Variants in DNAH3 observed in about 807,000 individuals in gnomAD.
DNAH3 encodes the protein axonemal beta dynein heavy chain 3.
DNAH3 carries 332 observed loss-of-function variants against 432.5 expected under a neutral mutation model. The ratio of observed to expected loss-of-function variants is 0.77; its 90% CI spans 0.70 to 0.84. DNAH3 has a LOEUF of 0.84. DNAH3 is among the 40% of genes least tolerant of loss of function. The pLI, the probability that DNAH3 is intolerant of heterozygous loss-of-function variation, is 0.00. For missense variants in DNAH3, 4,861 were observed against 5,114.0 expected (o/e 0.95, Z 1.51); for synonymous variants, 1,956 against 1,900.2 (o/e 1.03, Z -0.76).
At chr16:20,935,236 T>C in intron 61 of DNAH3, 112 bp downstream of exon 61, 1 of 1,282,592 alleles carries the variant, frequency 7.8e-7, no homozygotes, top group Non-Finnish European at 1.1e-6. Context: ...TATGTACCAT[T>C]TCAGAAGCAT....
intron 5 of DNAH3, among the ~76,000 whole-genome samples, chr16:21,139,644 T>C (rs1052122355): frequency 5.3e-5 from 8 of 151,882 alleles, no homozygotes; most frequent in African/African-American, 1.9e-4. Context: ...ACCCAGCTAA[T>C]TTTTGTAGAG....
intron 38 of DNAH3, among the ~76,000 whole-genome samples, chr16:21,025,472 GAT>G (rs1212129197): frequency 6.9e-6 from 1 of 145,056 alleles, no homozygotes; most frequent in African/African-American, 2.6e-5. Context: ...TGTAATTATA[GAT>G]ATAATTATGT....
intron 44 of DNAH3, 85 bp from the exon 45 acceptor site, chr16:20,988,150 C>T (rs529905638): frequency 5.3e-5 from 83 of 1,555,974 alleles, no homozygotes; most frequent in Non-Finnish European, 7.1e-5. Context: ...CACGAGGTGG[C>T]TTTGCCTTCT....
At chr16:20,970,105 AC>A in intron 51 of DNAH3, 115 bp from the exon 52 acceptor site, 1 of 963,322 alleles carries the variant, frequency 1.0e-6, no homozygotes, top group East Asian at 2.6e-5. Flanking sequence ...TCTTCCAGAT[AC>A]CCTTTAACAT....
At chr16:20,992,427 G>C (rs1357083446) in intron 44 of DNAH3, among the ~76,000 whole-genome samples, 1 of 151,778 alleles carries the variant, frequency 6.6e-6, no homozygotes, top group African/African-American at 2.4e-5. Context: ...CTCACTGCAA[G>C]CTCCGCCTCC....
intron 18 of DNAH3, among the ~76,000 whole-genome samples, chr16:21,093,381 C>A (rs2091592358): frequency 6.6e-6 from 1 of 152,082 alleles, no homozygotes; most frequent in African/African-American, 2.4e-5. Flanking sequence ...TGCATAGGAG[C>A]TGTATGCTGA....
At chr16:21,041,595 C>T (rs934864850) in intron 32 of DNAH3, among the ~76,000 whole-genome samples, 1 of 152,166 alleles carries the variant, frequency 6.6e-6, no homozygotes, top group East Asian at 1.9e-4. Context: ...AGCTGGGTCT[C>T]TCTTATCACT....
chr16:21,106,806 A>AT (rs1187171096), intron 14 of DNAH3, 132 bp from the exon 15 acceptor site: 5 of 723,474 alleles, frequency 6.9e-6, no homozygotes, highest in Non-Finnish European at 1.0e-5. Context: ...TTTTTTTTTA[A>AT]TTTTTTCCCT....
At chr16:21,033,914 G>A in intron 36 of DNAH3, 60 bp downstream of exon 36, 1 of 1,233,896 alleles carries the variant, frequency 8.1e-7, no homozygotes, top group Non-Finnish European at 1.2e-6. Flanking sequence ...TATCTCCATG[G>A]AGCCAGCCAA....
At chr16:21,148,387 ATTGGCCGGC>A (rs1273318062) in intron 1 of DNAH3, among the ~76,000 whole-genome samples, 1 of 152,028 alleles carries the variant, frequency 6.6e-6, no homozygotes, top group Non-Finnish European at 1.5e-5. Context: ...TAGCCATGTA[ATTGGCCGGC>A]TTGACTTCTA....
intron 31 of DNAH3, among the ~76,000 whole-genome samples, chr16:21,048,272 A>G (rs1220841168): frequency 6.6e-6 from 1 of 152,076 alleles, no homozygotes; most frequent in Non-Finnish European, 1.5e-5. Flanking sequence ...CCCCTCCCCC[A>G]GCCAGGCTGC....
chr16:21,116,795 T>C (rs144325950), intron 12 of DNAH3, among the ~76,000 whole-genome samples: 57 of 152,354 alleles, frequency 3.7e-4, no homozygotes, highest in African/African-American at 1.2e-3. Flanking sequence ...TATGAGGCTA[T>C]TATGTGAATA....
chr16:21,064,732 A>G (rs115817263), intron 24 of DNAH3, among the ~76,000 whole-genome samples: 3,251 of 152,298 alleles, frequency 0.021, 123 homozygotes, highest in African/African-American at 0.073. Flanking sequence ...TAAAATTAAA[A>G]TCTTTTTTTA....
intron 5 of DNAH3, 52 bp downstream of exon 6, chr16:21,140,484 T>C: frequency 1.3e-6 from 2 of 1,561,758 alleles, no homozygotes; most frequent in African/African-American, 1.4e-5. Context: ...ATCACTGAGA[T>C]GCCGAGAGTA....
chr16:21,134,556 C>A, intron 6 of DNAH3, 102 bp from the exon 8 acceptor site: 1 of 1,095,754 alleles, frequency 9.1e-7, no homozygotes, highest in Non-Finnish European at 1.3e-6. Flanking sequence ...CGGGGTCTCA[C>A]TAAGTTGGCC....
chr16:21,078,262 T>A (rs1222668947), intron 20 of DNAH3, among the ~76,000 whole-genome samples: 24 of 50,186 alleles, frequency 4.8e-4, no homozygotes, highest in South Asian at 1.1e-3. Flanking sequence ...GCAACAAGAG[T>A]AAAATTCCGT....
At chr16:21,042,729 G>A (rs1394471969) in intron 31 of DNAH3, among the ~76,000 whole-genome samples, 1 of 151,706 alleles carries the variant, frequency 6.6e-6, no homozygotes, top group African/African-American at 2.4e-5. Context: ...CATTGTGCAG[G>A]TTACATATAT....
chr16:21,000,204 G>T lies in DNAH3; in HGVS notation c.6421+20C>A. On this transcript the variant is annotated intron_variant, in intron 43 of 61. Transcript: ENST00000261383. ...TGGTGGAAGAATCTGGTTGTGTCCA[G>T]ACCCAGCCCAATGCCTTACCCACAA... 1.2e-6 allele frequency: 2 copies of T among 1,606,890 alleles called. No homozygotes were observed. Among genetic ancestry groups the T allele is most frequent in the South Asian group, 2.2e-5 (2 of 89,990 alleles).
intron 39 of DNAH3, among the ~76,000 whole-genome samples, chr16:21,022,336 C>T (rs931437438): frequency 4.6e-5 from 7 of 152,184 alleles, no homozygotes; most frequent in African/African-American, 1.2e-4. Context: ...ATTCCACTGC[C>T]CAGAGCTGAT....
Sources: allele counts gnomAD v4.1 joint callset (sites outside exome capture counted in the v4.1 genomes callset), GRCh38; gene constraint gnomAD v4.1.1; transcripts MANE v1.5; gene names NCBI Gene and HGNC (gene_info 2026-07-23, HGNC 2026-07-21).